CSGALNACT2: variants seen among roughly 807,000 people sequenced by gnomAD.
CSGALNACT2 encodes the protein beta 4 GalNAcT-2.
A neutral mutation model predicts 55.3 loss-of-function variants in CSGALNACT2; 35 were observed. That is an observed-to-expected ratio of 0.63 (90% CI 0.48 to 0.84). The LOEUF (loss-of-function observed/expected upper bound fraction) is 0.84. CSGALNACT2 is among the 40% of genes least tolerant of loss of function. CSGALNACT2 has a pLI of 0.00. For synonymous variants in CSGALNACT2, 196 were observed against 224.9 expected (o/e 0.87, Z 1.15); for missense variants, 544 against 657.5 (o/e 0.83, Z 1.89).
intron 6 of CSGALNACT2, among the ~76,000 whole-genome samples, chr10:43,170,430 A>G (rs1460361642): frequency 6.6e-6 from 1 of 152,214 alleles, no homozygotes; most frequent in Non-Finnish European, 1.5e-5. Context: ...GATAGGGGGA[A>G]TATGTCGAAG....
chr10:43,185,060 A>G lies in CSGALNACT2; in HGVS notation c.*1518A>G, dbSNP rs578224878. The G allele has an allele frequency of 1.3e-5, 2 of 152,124 alleles. No homozygotes were observed. Among genetic ancestry groups the G allele is most frequent in the South Asian group, 2.1e-4 (1 of 4,824 alleles). The allele number at this position is 152,124 out of a possible 1,614,324, so 9.4% of individuals were successfully genotyped here. A position where few individuals can be genotyped will look rare whatever the true frequency, so the allele number is the denominator to read the frequency against. ...ATAATTCAGGCCACTGTCTCCTTTT[A>G]TATATTATTATAATTATTTATTATG... On this transcript the variant is annotated 3_prime_UTR_variant, in exon 8 of 8. Transcript: ENST00000374466.
In CSGALNACT2 at chr10:43,150,306, A is replaced by C. The variant is rs1838848915; in HGVS notation, c.-253-4591A>C. 2.0e-5 allele frequency among the ~76,000 whole-genome samples: 3 copies of C among 152,176 alleles called. No individual in the cohort carries two copies. The South Asian group carries it at 6.2e-4, about 32-fold the overall frequency. On this transcript the variant is annotated intron_variant, in intron 1 of 7. Transcript: ENST00000374466. ...GAGATTTAGATAATAATGAGCAAAA[A>C]TCTTAGTTACCAATGTCGTTAACAT...
chr10:43,156,845 C>T (rs1034440531), intron 2 of CSGALNACT2, among the ~76,000 whole-genome samples: 2 of 152,252 alleles, frequency 1.3e-5, no homozygotes, highest in African/African-American at 4.8e-5. Flanking sequence ...TCTTGCTGTG[C>T]CGCCTAGTTC....
In CSGALNACT2 at chr10:43,183,306, A is replaced by C; in HGVS notation, c.1393A>C (p.Lys465Gln). Residue 465 changes from lysine to glutamine, a missense_variant, in exon 8 of 8, where the codon AAA becomes CAA. Lys to Gln is a moderately conservative substitution (Grantham distance 53). Coordinates refer to ENST00000374466, the MANE Select transcript of CSGALNACT2 (RefSeq NM_018590.5). ...TGGAGAAGATGTTCATCTTTATCGA[A>C]AATACTTACATGGTGACCTCATTGT... ...WGGEDVHLYR[K>Q]YLHGDLIVIR... 6.2e-7 allele frequency: 1 copy of C among 1,613,806 alleles called. No individual in the cohort carries two copies. The highest frequency in any genetic ancestry group is 2.2e-5 in the East Asian group (1 of 44,874).
chr10:43,144,378 TTAAC>T (rs1258095376), intron 1 of CSGALNACT2, among the ~76,000 whole-genome samples: 1 of 152,220 alleles, frequency 6.6e-6, no homozygotes, highest in East Asian at 1.9e-4. Flanking sequence ...TGCTGTAGCA[TTAAC>T]TATCTTTAAC....
At chr10:43,147,782 C>CTTTTTTTTTTTTT (rs372639057) in intron 1 of CSGALNACT2, among the ~76,000 whole-genome samples, 3 of 108,104 alleles carry the variant, frequency 2.8e-5, no homozygotes, top group Non-Finnish European at 3.7e-5. Context: ...GTCGAGTTAT[C>CTTTTTTTTTTTTT]TTTTTTTTTT....
intron 2 of CSGALNACT2, among the ~76,000 whole-genome samples, chr10:43,157,725 C>T (rs925203362): frequency 7.9e-5 from 12 of 152,034 alleles, no homozygotes; most frequent in African/African-American, 2.7e-4. Context: ...CTCTCCTGAG[C>T]GCCATACTTA....
chr10:43,182,874 C>CA (rs199991265), intron 7 of CSGALNACT2, among the ~76,000 whole-genome samples: 15 of 64,830 alleles, frequency 2.3e-4, no homozygotes, highest in African/African-American at 7.0e-4. Flanking sequence ...GACCCTGTCT[C>CA]AAAAAAAAAA....
At chr10:43,141,665 A>C (rs1044058594) in intron 1 of CSGALNACT2, among the ~76,000 whole-genome samples, 31 of 150,410 alleles carry the variant, frequency 2.1e-4, no homozygotes, top group African/African-American at 7.6e-4. Flanking sequence ...AGTGGGAAAG[A>C]CTACCCATGA....
intron 1 of CSGALNACT2, among the ~76,000 whole-genome samples, chr10:43,147,908 T>A (rs907807619): frequency 1.3e-5 from 2 of 152,086 alleles, no homozygotes; most frequent in Non-Finnish European, 2.9e-5. Context: ...TTTTTTATTT[T>A]GATGAGGTCC....
intron 7 of CSGALNACT2, among the ~76,000 whole-genome samples, chr10:43,180,591 C>T (rs1839571970): frequency 6.6e-6 from 1 of 152,176 alleles, no homozygotes; most frequent in Non-Finnish European, 1.5e-5. Flanking sequence ...CCTGCTGTAT[C>T]TGAATCTGGA....
intron 5 of CSGALNACT2, among the ~76,000 whole-genome samples, chr10:43,164,526 T>A (rs577512438): frequency 6.6e-6 from 1 of 152,334 alleles, no homozygotes; most frequent in African/African-American, 2.4e-5. Context: ...TTTACTATAC[T>A]TTGCTTTAAG....
At chr10:43,175,391 C>A (rs1588913019) in intron 6 of CSGALNACT2, among the ~76,000 whole-genome samples, 2 of 152,280 alleles carry the variant, frequency 1.3e-5, no homozygotes, top group Middle Eastern at 3.4e-3. Flanking sequence ...TCCCAACAAC[C>A]ACCCTGGTTT....
chr10:43,179,643 G>A (rs190168658), intron 7 of CSGALNACT2, among the ~76,000 whole-genome samples: 206 of 152,096 alleles, frequency 1.4e-3, no homozygotes, highest in African/African-American at 4.6e-3. Flanking sequence ...AATGCTCTGG[G>A]GCATAAATTG....
intron 4 of CSGALNACT2, chr10:43,163,098 C>T (rs1047890706): frequency 1.0e-6 from 1 of 985,268 alleles, no homozygotes; most frequent in African/African-American, 1.7e-5. Flanking sequence ...ATTCTTACCT[C>T]TTTGCCTTTG....
intron 6 of CSGALNACT2, among the ~76,000 whole-genome samples, chr10:43,173,296 A>G (rs1839418012): frequency 6.6e-6 from 1 of 152,218 alleles, no homozygotes; most frequent in African/African-American, 2.4e-5. Context: ...CATAGTAGCC[A>G]TGTGTTGTTT....
chr10:43,183,610 C>G lies in CSGALNACT2; in HGVS notation c.*68C>G, dbSNP rs975953576. ...TATTTATTTAGCCTTACTTCTACTT[C>G]CAGATGCAGTGCCTCTTTTGGAGAA... On this transcript the variant is annotated 3_prime_UTR_variant, in exon 8 of 8. Coordinates refer to ENST00000374466, the MANE Select transcript of CSGALNACT2 (RefSeq NM_018590.5). 2 of 1,284,718 alleles carry G rather than the reference C, an allele frequency of 1.6e-6. No individual in the cohort carries two copies. The highest frequency in any genetic ancestry group is 1.3e-5 in the South Asian group (1 of 77,144). The allele number at this position is 1,284,718 out of a possible 1,614,324, so 79.6% of individuals were successfully genotyped here. A position where few individuals can be genotyped will look rare whatever the true frequency, so the allele number is the denominator to read the frequency against.
At chr10:43,146,854 G>A (rs940232005) in intron 1 of CSGALNACT2, among the ~76,000 whole-genome samples, 3 of 151,530 alleles carry the variant, frequency 2.0e-5, no homozygotes, top group African/African-American at 7.3e-5. Flanking sequence ...ACAACACTTG[G>A]TATGGTCATT....
In CSGALNACT2 at chr10:43,164,061, T is replaced by C. The variant is rs778304013; in HGVS notation, c.1159+17T>C. 5.0e-6 allele frequency: 8 copies of C among 1,603,094 alleles called. No homozygotes were observed. In the Admixed American group the frequency reaches 1.0e-4, roughly 20 times the overall value. ...CTGAGCCAGGTGCGTAAAATGTTGGTAGATGAGCTGACTATAGAATTTAGA... is the reference window on the plus strand; with the variant it reads ...CTGAGCCAGGTGCGTAAAATGTTGGCAGATGAGCTGACTATAGAATTTAGA... On this transcript the variant is annotated intron_variant, in intron 5 of 7. Coordinates refer to ENST00000374466, the MANE Select transcript of CSGALNACT2 (RefSeq NM_018590.5).
Sources: gnomAD v4.1 joint callset for allele counts (sites outside exome capture counted in the v4.1 genomes callset) on GRCh38, gnomAD v4.1.1 for gene constraint, MANE v1.5 for transcripts, NCBI Gene and HGNC (gene_info 2026-07-23, HGNC 2026-07-21) for gene names.